Variants in GRM5 observed in about 807,000 individuals in gnomAD.
GRM5 encodes metabotropic glutamate receptor 5.
GRM5 carries 19 observed loss-of-function variants against 83.1 expected under a neutral mutation model. The observed-to-expected ratio is 0.23, with a 90% confidence interval of 0.16 to 0.34. The LOEUF (loss-of-function observed/expected upper bound fraction) is 0.34. GRM5 is among the 10% of genes least tolerant of loss of function. The pLI is 1.00. For missense variants in GRM5, 1,160 were observed against 1,588.3 expected, an observed-to-expected ratio of 0.73 and a Z score of 4.58; for synonymous variants, 675 against 633.6, an observed-to-expected ratio of 1.07 and a Z score of -0.98.
intron 4 of GRM5, chr11:88,612,972 C>G (rs1386674720): frequency 6.6e-6 from 1 of 152,212 alleles, no homozygotes; most frequent in Non-Finnish European, 1.5e-5. Flanking sequence ...CATTCAGGAG[C>G]ACATTGTTTA....
At chr11:88,684,678 T>C (rs1417702274) in intron 3 of GRM5, among the ~76,000 whole-genome samples, 2 of 152,154 alleles carry the variant, frequency 1.3e-5, no homozygotes, top group African/African-American at 4.8e-5. Context: ...AATTCCCACA[T>C]GTTGTGGGAG....
chr11:88,624,539 G>A (rs140469800), intron 4 of GRM5, among the ~76,000 whole-genome samples: 25 of 152,290 alleles, frequency 1.6e-4, no homozygotes, highest in African/African-American at 6.0e-4. Flanking sequence ...ATTTCAGGCT[G>A]GGTATGGTTG....
At chr11:88,762,815 G>A (rs1302458806) in intron 3 of GRM5, among the ~76,000 whole-genome samples, 1 of 151,884 alleles carries the variant, frequency 6.6e-6, no homozygotes, top group East Asian at 1.9e-4. Context: ...CATAGTACAT[G>A]TGCACCATGG....
At chr11:88,553,873 T>G (rs1295480884) in intron 8 of GRM5, among the ~76,000 whole-genome samples, 1 of 151,334 alleles carries the variant, frequency 6.6e-6, no homozygotes, top group Non-Finnish European at 1.5e-5. Context: ...CTCACAGGAG[T>G]TTTGGGTAGG....
intron 3 of GRM5, among the ~76,000 whole-genome samples, chr11:88,731,578 A>C (rs1363068874): frequency 6.6e-6 from 1 of 152,050 alleles, no homozygotes; most frequent in Non-Finnish European, 1.5e-5. Flanking sequence ...ATTTTGGTTT[A>C]TCTTCCTATC....
chr11:88,942,565 T>C (rs757506620), intron 2 of GRM5, among the ~76,000 whole-genome samples: 5 of 152,032 alleles, frequency 3.3e-5, no homozygotes, highest in Non-Finnish European at 5.9e-5. Context: ...AAGGTTTTCC[T>C]AAAATTATAT....
chr11:88,963,018 G>A (rs1485699659), intron 2 of GRM5, among the ~76,000 whole-genome samples: 1 of 152,190 alleles, frequency 6.6e-6, no homozygotes, highest in African/African-American at 2.4e-5. Context: ...GAACCCAGGA[G>A]GCAGAGGTTG....
intron 2 of GRM5, among the ~76,000 whole-genome samples, chr11:88,995,955 C>T (rs776583291): frequency 6.6e-6 from 1 of 151,550 alleles, no homozygotes; most frequent in Non-Finnish European, 1.5e-5. Context: ...TGACATCTCC[C>T]TCAGAAATGG....
chr11:88,618,724 G>A (rs1418549373), intron 4 of GRM5, among the ~76,000 whole-genome samples: 1 of 152,094 alleles, frequency 6.6e-6, no homozygotes, highest in Non-Finnish European at 1.5e-5. Flanking sequence ...TAATAAAATG[G>A]TTCGTTTTAT....
At chr11:88,536,975 C>T (rs984518538) in intron 8 of GRM5, among the ~76,000 whole-genome samples, 4 of 152,134 alleles carry the variant, frequency 2.6e-5, no homozygotes, top group African/African-American at 9.7e-5. Flanking sequence ...GATAAGGAAA[C>T]TGGCTCAGAA....
At chr11:88,711,926 G>C (rs1057199226) in intron 3 of GRM5, among the ~76,000 whole-genome samples, 4 of 152,036 alleles carry the variant, frequency 2.6e-5, no homozygotes, top group African/African-American at 9.7e-5. Flanking sequence ...CACTCTCCCT[G>C]ACCACTCTCC....
At chr11:88,770,994 A>T (rs866846109) in intron 3 of GRM5, among the ~76,000 whole-genome samples, 1 of 152,132 alleles carries the variant, frequency 6.6e-6, no homozygotes, top group African/African-American at 2.4e-5. Context: ...TAAATCAGAC[A>T]TGTATCCCTT....
chr11:88,678,326 T>A (rs1364040783), intron 3 of GRM5, among the ~76,000 whole-genome samples: 1 of 152,118 alleles, frequency 6.6e-6, no homozygotes, highest in Non-Finnish European at 1.5e-5. Context: ...CCCGAAGCAC[T>A]GGTATTATGG....
intron 3 of GRM5, among the ~76,000 whole-genome samples, chr11:88,723,041 C>T (rs1416689552): frequency 1.3e-5 from 2 of 152,112 alleles, no homozygotes; most frequent in African/African-American, 4.8e-5. Context: ...GCTCCCTCCT[C>T]CCTTGAAACC....
In GRM5 at chr11:88,730,372, A is replaced by G. The variant is rs543205963; in HGVS notation, c.912-76969T>C. Among the ~76,000 whole-genome samples, 53 of 151,678 alleles carry G rather than the reference A, an allele frequency of 3.5e-4. 1 individual carries two copies. The South Asian group carries it at 7.1e-3, about 20-fold the overall frequency. On this transcript the variant is annotated intron_variant, in intron 3 of 9. Coordinates refer to ENST00000305447, the MANE Select transcript of GRM5 (RefSeq NM_001143831.3). ...GGCGATTATTAAAAAGTCAGGAAAC[A>G]TGCTGGAGAGGGTGTGGAGAAATAG...
intron 2 of GRM5, among the ~76,000 whole-genome samples, chr11:88,959,153 C>T (rs989838266): frequency 6.6e-6 from 1 of 152,026 alleles, no homozygotes. Context: ...CTCCAGGTGT[C>T]TTTGGATCAC....
chr11:88,674,955 T>C (rs1940288099), intron 3 of GRM5, among the ~76,000 whole-genome samples: 1 of 152,000 alleles, frequency 6.6e-6, no homozygotes, highest in Admixed American at 6.6e-5. Context: ...AGTCTTTCTT[T>C]TCATTCCCCT....
At chr11:88,600,055 T>A (rs1378328816) in intron 5 of GRM5, among the ~76,000 whole-genome samples, 1 of 152,144 alleles carries the variant, frequency 6.6e-6, no homozygotes, top group Non-Finnish European at 1.5e-5. Context: ...GTGCTCTTTG[T>A]TTTTGATGGC....
At chr11:88,699,016 C>T (rs1194436747) in intron 3 of GRM5, among the ~76,000 whole-genome samples, 1 of 152,104 alleles carries the variant, frequency 6.6e-6, no homozygotes, top group Non-Finnish European at 1.5e-5. Flanking sequence ...AGGACTATTG[C>T]TATTTCAAGG....
Sources: allele counts gnomAD v4.1 joint callset (sites outside exome capture counted in the v4.1 genomes callset), GRCh38; gene constraint gnomAD v4.1.1; transcripts MANE v1.5; gene names NCBI Gene and HGNC (gene_info 2026-07-23, HGNC 2026-07-21).